VWC2: variants seen among roughly 807,000 people sequenced by gnomAD.
VWC2 encodes the protein brorin.
Under a neutral mutation model 29.8 loss-of-function variants are expected in VWC2, and 14 were observed. The ratio of observed to expected loss-of-function variants is 0.47; its 90% CI spans 0.31 to 0.74. The LOEUF (loss-of-function observed/expected upper bound fraction) is 0.74. Ranked by LOEUF, VWC2 falls within the 30% of genes least tolerant of loss-of-function variation. VWC2 has a pLI of 0.05. For synonymous variants in VWC2, 213 were observed against 199.0 expected (o/e 1.07, Z -0.59); for missense variants, 457 against 459.8 (o/e 0.99, Z 0.05).
intron 3 of VWC2, among the ~76,000 whole-genome samples, chr7:49,899,673 G>T (rs553753159): frequency 6.6e-6 from 1 of 151,916 alleles, no homozygotes; most frequent in East Asian, 1.9e-4. Context: ...AACACATGAG[G>T]CAAAATCTGA....
intron 3 of VWC2, among the ~76,000 whole-genome samples, chr7:49,849,897 A>G (rs533721420): frequency 6.6e-6 from 1 of 152,226 alleles, no homozygotes; most frequent in African/African-American, 2.4e-5. Flanking sequence ...GACTGAGCAC[A>G]GTACCATAGC....
Position 49,910,683 on chromosome 7 carries a change from T to G in VWC2, c.827-1351T>G, listed in dbSNP as rs866756454. 7.2e-5 allele frequency among the ~76,000 whole-genome samples: 11 copies of G among 152,346 alleles called. 2 individuals carry two copies. The highest frequency in any genetic ancestry group is 6.8e-3 in the Middle Eastern group (2 of 294). ...CCATGTCCTTGATCTTAACATAAAG[T>G]GCAGATGTGACACATTTGTTGGCTG... On this transcript the variant is annotated intron_variant, in intron 3 of 3. Transcript: ENST00000340652.
intron 3 of VWC2, among the ~76,000 whole-genome samples, chr7:49,885,753 A>T (rs1465322523): frequency 6.6e-6 from 1 of 152,224 alleles, no homozygotes; most frequent in Non-Finnish European, 1.5e-5. Context: ...AGATGCGGTT[A>T]AAGTATTGAT....
In VWC2 at chr7:49,862,653, G is replaced by GTT. The variant is rs200190931; in HGVS notation, c.827-49372_827-49371dup. Reference sequence around the variant, plus strand: ...TTCCCTTCTCTTCCTACTTTGATGTGTTTTTTTTTTCATTATAATAGATCA... The same window carrying GTT: ...TTCCCTTCTCTTCCTACTTTGATGTGTTTTTTTTTTTTCATTATAATAGATCA... On this transcript the variant is annotated intron_variant, in intron 3 of 3. Coordinates refer to ENST00000340652, the MANE Select transcript of VWC2 (RefSeq NM_198570.5). 8.7e-4 allele frequency among the ~76,000 whole-genome samples: 123 copies of GTT among 141,276 alleles called. No individual in the cohort carries two copies. The Middle Eastern group carries it at 0.011, about 13-fold the overall frequency. The allele number at this position is 141,276 out of a possible 152,430, so 92.7% of individuals were successfully genotyped here. A position where few individuals can be genotyped will look rare whatever the true frequency, so the allele number is the denominator to read the frequency against.
chr7:49,889,666 G>C (rs1028773853), intron 3 of VWC2, among the ~76,000 whole-genome samples: 1 of 152,190 alleles, frequency 6.6e-6, no homozygotes, highest in Non-Finnish European at 1.5e-5. Context: ...TTTGCCCTAG[G>C]AGCTCCTCAA....
intron 3 of VWC2, among the ~76,000 whole-genome samples, chr7:49,872,228 G>A (rs1008446753): frequency 2.0e-5 from 3 of 152,228 alleles, no homozygotes; most frequent in South Asian, 4.2e-4. Context: ...ATCGCTGGGG[G>A]TGGAGGTGGA....
At chr7:49,817,282 T>C (rs1187951955) in intron 3 of VWC2, among the ~76,000 whole-genome samples, 1 of 152,244 alleles carries the variant, frequency 6.6e-6, no homozygotes, top group Non-Finnish European at 1.5e-5. Context: ...AAAAATCAAT[T>C]GTCACAATAT....
At chr7:49,798,628 C>T (rs1225290453) in intron 2 of VWC2, among the ~76,000 whole-genome samples, 3 of 152,106 alleles carry the variant, frequency 2.0e-5, no homozygotes, top group African/African-American at 7.2e-5. Flanking sequence ...AGTGTAGGGA[C>T]TGGAGCCAGT....
In VWC2 at chr7:49,835,362, ATTT is replaced by A. The variant is rs1016681800; in HGVS notation, c.826+32523_826+32525del. On this transcript the variant is annotated intron_variant, in intron 3 of 3. Coordinates refer to ENST00000340652, the MANE Select transcript of VWC2 (RefSeq NM_198570.5). ...GATGAAGTTTCTTTTCTTTCTCAGT[ATTT>A]AAGCTAGTGACACATGTGGGCTTGG... is the stretch of plus-strand genomic sequence containing the variant. Among the ~76,000 whole-genome samples the A allele has an allele frequency of 4.6e-5, 7 of 152,304 alleles. 1 individual carries two copies. Among genetic ancestry groups the A allele is most frequent in the African/African-American group, 1.7e-4 (7 of 41,556 alleles).
Position 49,915,683 on chromosome 7 carries a change from A to G in VWC2, c.*3498A>G, listed in dbSNP as rs1395721904. 1.3e-5 allele frequency: 2 copies of G among 152,230 alleles called. No homozygotes were observed. The highest frequency in any genetic ancestry group is 4.8e-5 in the African/African-American group (2 of 41,470). The allele number at this position is 152,230 out of a possible 1,614,324, so 9.4% of individuals were successfully genotyped here. A position where few individuals can be genotyped will look rare whatever the true frequency, so the allele number is the denominator to read the frequency against. Reference sequence around the variant, plus strand: ...AAATGTGGACTATTTAAACATGTAGAAAACAAAATTATAGACATAAACTAT... The same window carrying G: ...AAATGTGGACTATTTAAACATGTAGGAAACAAAATTATAGACATAAACTAT... On this transcript the variant is annotated 3_prime_UTR_variant, in exon 4 of 4. Transcript: ENST00000340652.
chr7:49,829,124 A>G (rs1053130628), intron 3 of VWC2, among the ~76,000 whole-genome samples: 2 of 152,136 alleles, frequency 1.3e-5, no homozygotes, highest in African/African-American at 4.8e-5. Context: ...TTGCAATGAG[A>G]GTTGTCTCCT....
At chr7:49,787,883 G>T (rs541058142) in intron 2 of VWC2, among the ~76,000 whole-genome samples, 1 of 152,290 alleles carries the variant, frequency 6.6e-6, no homozygotes, top group Admixed American at 6.5e-5. Context: ...AGCTTATCTT[G>T]CTTCTAGGTA....
At chr7:49,852,261 G>GC (rs1320014602) in intron 3 of VWC2, among the ~76,000 whole-genome samples, 2 of 152,198 alleles carry the variant, frequency 1.3e-5, no homozygotes, top group Non-Finnish European at 2.9e-5. Context: ...TGACCCTGGA[G>GC]CATCAGGGGG....
chr7:49,774,638 A>G (rs1056823547), intron 1 of VWC2, among the ~76,000 whole-genome samples: 4 of 152,152 alleles, frequency 2.6e-5, no homozygotes, highest in Non-Finnish European at 4.4e-5. Context: ...CTGGCTCCCA[A>G]GGCTCGGAGG....
At chr7:49,845,767 G>A (rs1293756442) in intron 3 of VWC2, among the ~76,000 whole-genome samples, 1 of 152,218 alleles carries the variant, frequency 6.6e-6, no homozygotes, top group Non-Finnish European at 1.5e-5. Context: ...CAGAATGACA[G>A]GGTAAGTTTC....
At chr7:49,775,310 T>TTGTGCTGC (rs1788026134) in intron 1 of VWC2, 23 bp from the exon 2 acceptor site, 1 of 480,038 alleles carries the variant, frequency 2.1e-6, no homozygotes, top group South Asian at 9.1e-5. Context: ...CGGGGCTCAG[T>TTGTGCTGC]TGTGCTGCTG....
chr7:49,806,991 G>C (rs901388320), intron 3 of VWC2, among the ~76,000 whole-genome samples: 4 of 152,104 alleles, frequency 2.6e-5, no homozygotes, highest in African/African-American at 9.7e-5. Context: ...AAAATCAGCT[G>C]TATTTCTGTA....
intron 2 of VWC2, among the ~76,000 whole-genome samples, chr7:49,789,801 T>A (rs540745018): frequency 6.6e-6 from 1 of 152,340 alleles, no homozygotes; most frequent in East Asian, 1.9e-4. Flanking sequence ...AATTTAGGAA[T>A]CTATAAATGA....
At chr7:49,788,440 CT>C (rs1788350442) in intron 2 of VWC2, among the ~76,000 whole-genome samples, 1 of 146,376 alleles carries the variant, frequency 6.8e-6, no homozygotes, top group Non-Finnish European at 1.5e-5. Context: ...CTGTTTTCCC[CT>C]GGCCTGTGTG....
Sources: allele counts gnomAD v4.1 joint callset (sites outside exome capture counted in the v4.1 genomes callset), GRCh38; gene constraint gnomAD v4.1.1; transcripts MANE v1.5; gene names NCBI Gene and HGNC (gene_info 2026-07-23, HGNC 2026-07-21).